The following AOAH variants were observed in gnomAD, a reference collection of about 807,000 sequenced individuals.
AOAH encodes acyloxyacyl hydrolase (neutrophil).
A neutral mutation model predicts 92.2 loss-of-function variants in AOAH; 64 were observed. That is an observed-to-expected ratio of 0.69 (90% CI 0.57 to 0.86). The LOEUF is 0.86. AOAH is among the 40% of genes least tolerant of loss of function. The pLI, the probability that AOAH is intolerant of heterozygous loss-of-function variation, is 0.00. For synonymous variants in AOAH, 263 were observed against 254.5 expected, an observed-to-expected ratio of 1.03 and a Z score of -0.32; for missense variants, 656 against 694.6, an observed-to-expected ratio of 0.94 and a Z score of 0.62.
At chr7:36,598,122 T>A (rs1301298028) in intron 11 of AOAH, 2 of 152,164 alleles carry the variant, frequency 1.3e-5, no homozygotes, top group Non-Finnish European at 2.9e-5. Flanking sequence ...CCAAGCTCAG[T>A]TCTCTGTGGA....
chr7:36,655,017 C>A (rs1227565735), intron 4 of AOAH, among the ~76,000 whole-genome samples: 5 of 152,162 alleles, frequency 3.3e-5, no homozygotes, highest in East Asian at 1.9e-4. Context: ...CAATAAATAC[C>A]AACTTCTGCT....
chr7:36,656,678 A>T (rs947512064), intron 4 of AOAH, among the ~76,000 whole-genome samples: 1 of 151,928 alleles, frequency 6.6e-6, no homozygotes, highest in Non-Finnish European at 1.5e-5. Flanking sequence ...CGAAGGATGT[A>T]AGTAAAGTTT....
At chr7:36,652,920 A>C (rs1428843188) in intron 4 of AOAH, among the ~76,000 whole-genome samples, 3 of 152,204 alleles carry the variant, frequency 2.0e-5, no homozygotes, top group Non-Finnish European at 4.4e-5. Flanking sequence ...TTAGAGGAGA[A>C]GCATGTGTAA....
rs556671944 is a variant in AOAH, at chr7:36,566,127, A to G, written c.1021+10447T>C. 1.1e-3 allele frequency among the ~76,000 whole-genome samples: 155 copies of G among 146,830 alleles called. 1 individual carries two copies. Among genetic ancestry groups the G allele is most frequent in the Non-Finnish European group, 1.7e-3 (115 of 66,918 alleles). ...TTTTTTTTTGGTAAAATGTTCCTCA[A>G]TTTTTGTTTGTATTATGTTTCCTCA... On this transcript the variant is annotated intron_variant, in intron 13 of 20. Coordinates refer to ENST00000617537, the MANE Select transcript of AOAH (RefSeq NM_001637.4).
chr7:36,717,941 G>GA (rs1367966114), intron 1 of AOAH, among the ~76,000 whole-genome samples: 2 of 151,506 alleles, frequency 1.3e-5, no homozygotes, highest in Admixed American at 6.6e-5. Flanking sequence ...AGAGACAAAA[G>GA]AAAAAAATAG....
chr7:36,548,730 C>G, intron 14 of AOAH, 44 bp from the exon 15 acceptor site: 1 of 1,566,434 alleles, frequency 6.4e-7, no homozygotes, highest in Non-Finnish European at 8.8e-7. Flanking sequence ...TACTTGGAAA[C>G]CTAGCTTTGT....
At chr7:36,572,688 GC>G (rs1281015380) in intron 13 of AOAH, among the ~76,000 whole-genome samples, 2 of 152,320 alleles carry the variant, frequency 1.3e-5, no homozygotes, top group East Asian at 3.9e-4. Context: ...GTCTTCAGCA[GC>G]CCCATGAAGC....
rs376905415 is a variant in AOAH at position 36,707,913 on chromosome 7, C to T, written c.127+16109G>A. 6.0e-4 allele frequency among the ~76,000 whole-genome samples: 91 copies of T among 152,088 alleles called. No homozygotes were observed. In the South Asian group the frequency reaches 0.017, roughly 29 times the overall value. On this transcript the variant is annotated intron_variant, in intron 1 of 20. Coordinates refer to ENST00000617537, the MANE Select transcript of AOAH (RefSeq NM_001637.4). ...GTTTCCCAGGCTCAAGAGATCCTCCCACCTCAGCCTCTGGAGTAGCTGGTT... is the reference window on the plus strand; with the variant it reads ...GTTTCCCAGGCTCAAGAGATCCTCCTACCTCAGCCTCTGGAGTAGCTGGTT...
At chr7:36,648,508 GCCATTTGTC>G (rs1398241186) in intron 4 of AOAH, among the ~76,000 whole-genome samples, 2 of 151,578 alleles carry the variant, frequency 1.3e-5, no homozygotes. Flanking sequence ...TACCCAGTAT[GCCATTTGTC>G]TTTTGACTTT....
At chr7:36,675,680 A>G (rs1234686119) in intron 2 of AOAH, among the ~76,000 whole-genome samples, 5 of 152,238 alleles carry the variant, frequency 3.3e-5, no homozygotes, top group African/African-American at 1.2e-4. Context: ...TACTAAAACC[A>G]GAAACCTTCC....
At chr7:36,706,164 A>G (rs1236554513) in intron 1 of AOAH, among the ~76,000 whole-genome samples, 1 of 152,216 alleles carries the variant, frequency 6.6e-6, no homozygotes, top group East Asian at 1.9e-4. Flanking sequence ...AGCTAATTAA[A>G]TAATGTATTT....
chr7:36,687,128 G>A (rs1033744193), intron 1 of AOAH, among the ~76,000 whole-genome samples: 2 of 152,078 alleles, frequency 1.3e-5, no homozygotes, highest in African/African-American at 4.8e-5. Context: ...GAAAAGCGGT[G>A]GAAATTGCCT....
intron 1 of AOAH, among the ~76,000 whole-genome samples, chr7:36,698,523 T>C (rs1018367431): frequency 1.4e-4 from 22 of 152,106 alleles, no homozygotes; most frequent in African/African-American, 5.3e-4. Context: ...AAACATATTA[T>C]TAATTTTAGA....
At chr7:36,602,527 C>T (rs1790689452) in intron 11 of AOAH, among the ~76,000 whole-genome samples, 1 of 151,090 alleles carries the variant, frequency 6.6e-6, no homozygotes, top group South Asian at 2.1e-4. Flanking sequence ...AAAATATCCT[C>T]CTCATATGCA....
At chr7:36,524,601 G>A (rs1410178072) in intron 19 of AOAH, among the ~76,000 whole-genome samples, 1 of 152,002 alleles carries the variant, frequency 6.6e-6, no homozygotes, top group African/African-American at 2.4e-5. Context: ...GCCTGAACAT[G>A]GGAGGCAGAG....
chr7:36,554,390 T>C (rs1786522559), intron 13 of AOAH, among the ~76,000 whole-genome samples: 1 of 152,232 alleles, frequency 6.6e-6, no homozygotes, highest in South Asian at 2.1e-4. Context: ...ACTGTAGCCT[T>C]GTAGTATAGT....
intron 3 of AOAH, among the ~76,000 whole-genome samples, chr7:36,664,460 AT>A (rs1795419423): frequency 6.6e-6 from 1 of 152,032 alleles, no homozygotes; most frequent in African/African-American, 2.4e-5. Flanking sequence ...TCTCTATTCC[AT>A]TCCATTGATT....
intron 1 of AOAH, among the ~76,000 whole-genome samples, chr7:36,718,013 G>C (rs924211702): frequency 6.6e-6 from 1 of 152,010 alleles, no homozygotes; most frequent in African/African-American, 2.4e-5. Flanking sequence ...TTATGAAAGT[G>C]GGGGAAGGAA....
chr7:36,517,264 CTT>C lies in AOAH; in HGVS notation c.1600-3886_1600-3885del, dbSNP rs1491284166. Among the ~76,000 whole-genome samples the C allele has an allele frequency of 2.1e-3, 9 of 4,370 alleles. 1 individual carries two copies. The highest frequency in any genetic ancestry group is 0.33 in the East Asian group (2 of 6). The allele number at this position is 4,370 out of a possible 152,430, so 2.9% of individuals were successfully genotyped here. On this transcript the variant is annotated intron_variant, in intron 20 of 20. Coordinates refer to ENST00000617537, the MANE Select transcript of AOAH (RefSeq NM_001637.4). ...TCTCTCTTTCTTTCTGTGTCTCTCT[CTT>C]TCTTTCTTTCTTTCTTTCTTTCTTT...
Sources: gnomAD v4.1 joint callset for allele counts (sites outside exome capture counted in the v4.1 genomes callset) on GRCh38, gnomAD v4.1.1 for gene constraint, MANE v1.5 for transcripts, NCBI Gene and HGNC (gene_info 2026-07-23, HGNC 2026-07-21) for gene names.